The following CLPTM1L variants were observed in gnomAD, a reference collection of about 807,000 sequenced individuals.
CLPTM1L encodes the protein CLPTM1 like.
In CLPTM1L, 38 loss-of-function variants were observed where a neutral mutation model predicts 70.9. The ratio of observed to expected loss-of-function variants is 0.54; its 90% CI spans 0.41 to 0.70. CLPTM1L has a LOEUF of 0.70. CLPTM1L is among the 30% of genes least tolerant of loss of function. CLPTM1L has a pLI of 0.00. For missense variants in CLPTM1L, 652 were observed against 705.9 expected (o/e 0.92, Z 0.87); for synonymous variants, 339 against 299.9 (o/e 1.13, Z -1.35).
At chr5:1,334,487 C>G (rs941389485) in intron 6 of CLPTM1L, 104 bp from the exon 7 acceptor site, 2 of 762,676 alleles carry the variant, frequency 2.6e-6, no homozygotes, top group African/African-American at 3.5e-5. Context: ...GGCGCAGTGG[C>G]TCATGCCTGT....
chr5:1,328,960 T>G (rs552357289), intron 9 of CLPTM1L, among the ~76,000 whole-genome samples: 2 of 151,466 alleles, frequency 1.3e-5, no homozygotes, highest in African/African-American at 4.9e-5. Context: ...GCTCCTCCTC[T>G]ACAGACACAT....
intron 10 of CLPTM1L, 37 bp from the exon 11 acceptor site, chr5:1,324,850 C>T: frequency 6.3e-7 from 1 of 1,589,944 alleles, no homozygotes; most frequent in Non-Finnish European, 8.6e-7. Flanking sequence ...TTAATAGACT[C>T]AGGGAGGATC....
At position 1,324,785 on chromosome 5, in the gene CLPTM1L, T is replaced by C; in HGVS notation, c.1175A>G (p.Lys392Arg). 3 of 1,614,180 alleles carry C rather than the reference T, an allele frequency of 1.9e-6. No individual in the cohort carries two copies. The highest frequency in any genetic ancestry group is 1.6e-4 in the Middle Eastern group (1 of 6,062). Residue 392 changes from lysine to arginine, a missense_variant, in exon 11 of 17, where the codon AAA (lysine) becomes AGA (arginine). Lys to Arg is a conservative substitution (Grantham distance 26). This residue lies in a region of CLPTM1L where 240 missense variants were observed against 295.0 expected (regional missense o/e 0.81). Coordinates refer to ENST00000320895, the MANE Select transcript of CLPTM1L (RefSeq NM_030782.5). Reference protein sequence around the residue: ...QFGTYSESERKTEEYDTQAMK... With the variant: ...QFGTYSESERRTEEYDTQAMK... ...TACCTGAGTATCGTACTCCTCGGTT[T>C]TCCTCTCAGATTCGCTGTAAGTGCC...
Position 1,342,039 on chromosome 5 carries a change from T to TGTGTGTGTGTGCGCGCGCGCGC in CLPTM1L, c.264-180_264-179insGCGCGCGCGCGCACACACACAC, listed in dbSNP as rs3222913. Among the ~76,000 whole-genome samples the TGTGTGTGTGTGCGCGCGCGCGC allele has an allele frequency of 2.0e-5, 3 of 148,976 alleles. No individual in the cohort carries two copies. The highest frequency in any genetic ancestry group is 7.6e-5 in the African/African-American group (3 of 39,664). On this transcript the variant is annotated intron_variant, in intron 2 of 16. Transcript: ENST00000320895. The surrounding 1 kb of genome is among the most constrained non-coding windows in gnomAD (Gnocchi z 4.3). ...GTGTGTGTGTGTGTGTGTGTGTGTG[T>TGTGTGTGTGTGCGCGCGCGCGC]GCACGCGCACGCGTGCGCGTCCTGA...
At position 1,318,966 on chromosome 5, in the gene CLPTM1L, G is replaced by T. The variant is rs1315671772; in HGVS notation, c.1533-513C>A. ...CAGCTCTACACGGCCGCGAACAGAA[G>T]TACAGGGTTTCAGCTTAAAAACAGA... On this transcript the variant is annotated intron_variant, in intron 16 of 16. Transcript: ENST00000320895. This position sits in a 1 kb window ranked among gnomAD's most constrained non-coding sequence, Gnocchi z 8.9. 6.6e-6 allele frequency among the ~76,000 whole-genome samples: 1 copy of T among 152,240 alleles called. No individual in the cohort carries two copies. Among genetic ancestry groups the T allele is most frequent in the African/African-American group, 2.4e-5 (1 of 41,464 alleles).
intron 8 of CLPTM1L, 78 bp downstream of exon 8, chr5:1,331,721 C>A: frequency 1.2e-5 from 15 of 1,244,490 alleles, no homozygotes; most frequent in Non-Finnish European, 1.6e-5. Flanking sequence ...AGCAGTGAGG[C>A]AGGCAGCCCT....
intron 7 of CLPTM1L, chr5:1,332,134 A>G (rs866887290): frequency 8.0e-6 from 4 of 501,850 alleles, no homozygotes; most frequent in Middle Eastern, 5.5e-4. Context: ...GAACTGCTGG[A>G]AAGGCCCCCA....
Position 1,342,107 on chromosome 5 carries a change from G to A in CLPTM1L, c.264-247C>T, listed in dbSNP as rs1246975784. On this transcript the variant is annotated intron_variant, in intron 2 of 16. Coordinates refer to ENST00000320895, the MANE Select transcript of CLPTM1L (RefSeq NM_030782.5). The surrounding 1 kb of genome is among the most constrained non-coding windows in gnomAD (Gnocchi z 4.3). ...GGGCGCCTACAGCCGAAAGCAAAAC[G>A]GCCCGCACTTCCTGCCTCCATCTCA... Among the ~76,000 whole-genome samples, 2 of 151,246 alleles carry A rather than the reference G, an allele frequency of 1.3e-5. No individual in the cohort carries two copies. The highest frequency in any genetic ancestry group is 6.6e-5 in the Admixed American group (1 of 15,170).
In CLPTM1L at chr5:1,326,875, A is replaced by G. The variant is rs201931244; in HGVS notation, c.1081-1059T>C. Reference sequence around the variant, plus strand: ...ATTTCATCCAGCTCCTCCTCGACAGACACATTTCATCCAGCTCCTCCTCTA... The same window carrying G: ...ATTTCATCCAGCTCCTCCTCGACAGGCACATTTCATCCAGCTCCTCCTCTA... On this transcript the variant is annotated intron_variant, in intron 9 of 16. Coordinates refer to ENST00000320895, the MANE Select transcript of CLPTM1L (RefSeq NM_030782.5). Among the ~76,000 whole-genome samples the G allele has an allele frequency of 2.7e-3, 381 of 141,252 alleles. 19 individuals carry two copies. Among genetic ancestry groups the G allele is most frequent in the East Asian group, 0.024 (100 of 4,246 alleles). 92.7% of individuals were successfully genotyped at this position (141,252 alleles called of 152,430 possible).
At chr5:1,334,438 A>T in intron 6 of CLPTM1L, 55 bp from the exon 7 acceptor site, 2 of 1,240,864 alleles carry the variant, frequency 1.6e-6, no homozygotes, top group Admixed American at 1.8e-5. Context: ...ATCTTACCTA[A>T]CATTACAAAT....
At chr5:1,325,163 G>A (rs1041947698) in intron 10 of CLPTM1L, 2 of 371,870 alleles carry the variant, frequency 5.4e-6, no homozygotes, top group South Asian at 4.4e-5. Flanking sequence ...GGAGCCATGG[G>A]GCAAGGTGGA....
chr5:1,318,701 G>A lies in CLPTM1L; in HGVS notation c.1533-248C>T, dbSNP rs903507257. Among the ~76,000 whole-genome samples the A allele has an allele frequency of 5.3e-4, 81 of 152,214 alleles. No individual in the cohort carries two copies. Among genetic ancestry groups the A allele is most frequent in the African/African-American group, 1.8e-3 (76 of 41,542 alleles). ...GGAAGCTTGGCCGAAGGGACGACCC[G>A]GAGGCTGCACGGGCTGCCATGGCTG... On this transcript the variant is annotated intron_variant, in intron 16 of 16. Transcript: ENST00000320895. The surrounding 1 kb of genome is among the most constrained non-coding windows in gnomAD (Gnocchi z 8.9).
Position 1,318,462 on chromosome 5 carries a change from A to C in CLPTM1L, c.1533-9T>G. On this transcript the variant is annotated splice_polypyrimidine_tract_variant and intron_variant, in intron 16 of 16. Transcript: ENST00000320895. The surrounding 1 kb of genome is among the most constrained non-coding windows in gnomAD (Gnocchi z 8.9). ...TATCCACAGGATAAAGCCTGCAATG[A>C]CACAAATGAGCACATCAGCAAACCC... 1.9e-6 allele frequency: 3 copies of C among 1,612,578 alleles called. No individual in the cohort carries two copies. Among genetic ancestry groups the C allele is most frequent in the Non-Finnish European group, 2.5e-6 (3 of 1,179,012 alleles).
chr5:1,334,401 A>T lies in CLPTM1L; in HGVS notation c.797-18T>A. The T allele has an allele frequency of 8.8e-7, 1 of 1,132,622 alleles. No homozygotes were observed. Among genetic ancestry groups the T allele is most frequent in the Non-Finnish European group, 1.3e-6 (1 of 752,908 alleles). 70.2% of individuals were successfully genotyped at this position (1,132,622 alleles called of 1,614,324 possible). ...TGAAAACCCTGTCAAGGAAAAAAAA[A>T]CATACAATATAAAACAGGCAATGTC... is the stretch of plus-strand genomic sequence containing the variant. On this transcript the variant is annotated intron_variant, in intron 6 of 16. Transcript: ENST00000320895.
At chr5:1,344,613 A>G in intron 1 of CLPTM1L, 67 bp downstream of exon 1, 5 of 1,507,910 alleles carry the variant, frequency 3.3e-6, no homozygotes, top group Non-Finnish European at 3.6e-6. Context: ...CGGGAAGGCG[A>G]CGTCTGGGGC....
rs762429404 is a variant in CLPTM1L, at chr5:1,321,756, C to T, written c.1371+8G>A. ...GGGCCGGGCCGCGGGCAGCACACACCGCCTTACCTTGTAGTTCACAAAGAG... is the reference window on the plus strand; with the variant it reads ...GGGCCGGGCCGCGGGCAGCACACACTGCCTTACCTTGTAGTTCACAAAGAG... On this transcript the variant is annotated splice_region_variant and intron_variant, in intron 14 of 16. Coordinates refer to ENST00000320895, the MANE Select transcript of CLPTM1L (RefSeq NM_030782.5). 1.7e-5 allele frequency: 27 copies of T among 1,613,846 alleles called. No individual in the cohort carries two copies. In the South Asian group the frequency reaches 1.9e-4, roughly 11 times the overall value.
chr5:1,321,465 T>C (rs150346114), intron 15 of CLPTM1L, among the ~76,000 whole-genome samples, 170 bp downstream of exon 15: 261 of 152,260 alleles, frequency 1.7e-3, no homozygotes, highest in African/African-American at 6.2e-3. Context: ...AGTTACTCTA[T>C]AGCTCTTCGC....
At chr5:1,337,496 G>A (rs750059229) in intron 5 of CLPTM1L, among the ~76,000 whole-genome samples, 25 of 152,260 alleles carry the variant, frequency 1.6e-4, no homozygotes, top group Admixed American at 2.0e-4. Context: ...CGCCTGTGCA[G>A]GACCAGCCCT....
At chr5:1,326,360 T>TCCA (rs1752542333) in intron 9 of CLPTM1L, 1 of 259,060 alleles carries the variant, frequency 3.9e-6, no homozygotes, top group Non-Finnish European at 7.3e-6. Flanking sequence ...ACACATTCCA[T>TCCA]GCAGCTCCTC....
Sources: gnomAD v4.1 joint callset for allele counts (sites outside exome capture counted in the v4.1 genomes callset) on GRCh38, gnomAD v4.1.1 for gene constraint, gnomAD v4.1.1 regional missense constraint, Gnocchi (gnomAD v3.1) non-coding constraint, MANE v1.5 for transcripts, NCBI Gene and HGNC (gene_info 2026-07-23, HGNC 2026-07-21) for gene names.